MTBP: variants seen among roughly 807,000 people sequenced by gnomAD.
MTBP encodes the protein mdm2-binding protein.
MTBP carries 101 observed loss-of-function variants against 117.0 expected under a neutral mutation model. That is an observed-to-expected ratio of 0.86 (90% CI 0.73 to 1.02). The LOEUF (loss-of-function observed/expected upper bound fraction) is 1.02, where lower values mean the gene tolerates loss of function less well. Among genes scored for constraint, MTBP ranks in the 50% least tolerant of loss-of-function variants. The pLI is 0.00. For missense variants in MTBP, 970 were observed against 1,030.9 expected (o/e 0.94, Z 0.81); for synonymous variants, 350 against 351.5 (o/e 1.00, Z 0.05).
At chr8:120,467,669 A>G (rs1813727745) in intron 10 of MTBP, among the ~76,000 whole-genome samples, 1 of 152,200 alleles carries the variant, frequency 6.6e-6, no homozygotes, top group South Asian at 2.1e-4. Context: ...AGATAGAATG[A>G]TAGCTTGAAC....
intron 16 of MTBP, among the ~76,000 whole-genome samples, chr8:120,507,644 G>T (rs548310026): frequency 2.6e-5 from 4 of 152,234 alleles, no homozygotes; most frequent in African/African-American, 4.8e-5. Context: ...ATTTTGCAAA[G>T]GAGTTATTTG....
intron 11 of MTBP, among the ~76,000 whole-genome samples, chr8:120,486,214 AT>A (rs1328829368): frequency 6.6e-6 from 1 of 151,816 alleles, no homozygotes; most frequent in East Asian, 1.9e-4. Context: ...GCCTCCTTTT[AT>A]TTGCTTATTA....
chr8:120,478,834 A>T (rs140990598), intron 11 of MTBP, among the ~76,000 whole-genome samples: 2 of 152,260 alleles, frequency 1.3e-5, no homozygotes, highest in South Asian at 2.1e-4. Flanking sequence ...ATAGAAAAAG[A>T]TCGTACACGT....
intron 10 of MTBP, among the ~76,000 whole-genome samples, chr8:120,465,565 C>T (rs539769090): frequency 2.3e-4 from 35 of 151,348 alleles, no homozygotes; most frequent in African/African-American, 7.3e-4. Flanking sequence ...AAGTATAAAG[C>T]GCTAGATATT....
chr8:120,507,399 T>G (rs1814708395), intron 16 of MTBP, among the ~76,000 whole-genome samples: 1 of 152,166 alleles, frequency 6.6e-6, no homozygotes, highest in Non-Finnish European at 1.5e-5. Flanking sequence ...CAGTTTTCAC[T>G]AAGTTACTAG....
At chr8:120,518,671 G>C (rs765082397) in intron 19 of MTBP, 33 bp from the exon 20 acceptor site, 2 of 1,434,752 alleles carry the variant, frequency 1.4e-6, no homozygotes, top group Non-Finnish European at 1.9e-6. Flanking sequence ...CCTTTTCCAA[G>C]AAATATTCGT....
intron 5 of MTBP, among the ~76,000 whole-genome samples, chr8:120,455,016 C>G (rs1813437376): frequency 6.6e-6 from 1 of 151,500 alleles, no homozygotes; most frequent in African/African-American, 2.4e-5. Flanking sequence ...TGCACTTATT[C>G]ATTCTCTTTT....
intron 11 of MTBP, among the ~76,000 whole-genome samples, chr8:120,474,491 A>G (rs1043029815): frequency 3.9e-5 from 6 of 151,950 alleles, no homozygotes; most frequent in African/African-American, 1.2e-4. Context: ...CTTTCTCACT[A>G]TCAGACTCTC....
At chr8:120,453,210 G>A (rs1813395207) in intron 4 of MTBP, among the ~76,000 whole-genome samples, 1 of 152,074 alleles carries the variant, frequency 6.6e-6, no homozygotes, top group African/African-American at 2.4e-5. Flanking sequence ...CAGCACTTTG[G>A]GAGGCTGAGG....
chr8:120,499,246 C>A (rs1210356904), intron 14 of MTBP, among the ~76,000 whole-genome samples: 1 of 152,104 alleles, frequency 6.6e-6, no homozygotes, highest in Non-Finnish European at 1.5e-5. Flanking sequence ...CTGCAGTGTC[C>A]TTTGCCTGGA....
At position 120,523,299 on chromosome 8, in the gene MTBP, T is replaced by C. The variant is rs1388306475; in HGVS notation, c.2678T>C (p.Val893Ala). 2 of 1,550,132 alleles carry C rather than the reference T, an allele frequency of 1.3e-6. No individual in the cohort carries two copies. The highest frequency in any genetic ancestry group is 1.8e-6 in the Non-Finnish European group (2 of 1,139,736). ...TAATCATATTTTTTCTCCCCCTAGG[T>C]GATTGACTGGGTATTAGAAAAGACA... ...KKTANNNAVQ[V>A]IDWVLEKTSK... The change falls in exon 22 of 22, where the codon GTG becomes GCG. Residue 893 changes from valine (V) to alanine (A), a missense_variant and splice_region_variant. Transcript: ENST00000305949.
chr8:120,453,870 A>T lies in MTBP; in HGVS notation c.449A>T (p.Asn150Ile). ...LADLYEEAAENLHQLSDKLPA... is the reference protein window; with the variant it reads ...LADLYEEAAEILHQLSDKLPA... ...AGTCTCTATGAAGAAGCTGCAGAAA[A>T]TTTGCATCAGCTGTCAGACAAGCTT... Residue 150 changes from asparagine to isoleucine, a missense_variant, in exon 5 of 22, where the codon AAT (asparagine) becomes ATT (isoleucine). Physicochemically the swap from Asn to Ile is moderately radical, Grantham distance 149 (BLOSUM62 -3). Transcript: ENST00000305949. The T allele has an allele frequency of 6.3e-7, 1 of 1,585,218 alleles. No homozygotes were observed. The highest frequency in any genetic ancestry group is 2.3e-5 in the East Asian group (1 of 43,624).
At chr8:120,506,646 T>G (rs899467646) in intron 15 of MTBP, 60 bp from the exon 16 acceptor site, 1 of 1,202,654 alleles carries the variant, frequency 8.3e-7, no homozygotes, top group Admixed American at 3.3e-5. Context: ...TTTTTTTGAC[T>G]CTGGCTTCTC....
chr8:120,490,722 T>C (rs1441397543), intron 13 of MTBP, 152 bp downstream of exon 13: 2 of 509,064 alleles, frequency 3.9e-6, no homozygotes, highest in East Asian at 6.9e-5. Context: ...TGATGTAGAG[T>C]AGAAGAGATA....
rs376463392 is a variant in MTBP, at chr8:120,463,017, A to T, written c.978-675A>T. On this transcript the variant is annotated intron_variant, in intron 9 of 21. Coordinates refer to ENST00000305949, the MANE Select transcript of MTBP (RefSeq NM_022045.5). The stretch of plus-strand genomic sequence containing the variant: ...CTTTTTGCTACCATTATGTTAAGAA[A>T]AGTTCTACAACTTGAAAAAAAAAAT... 6.7e-4 allele frequency among the ~76,000 whole-genome samples: 102 copies of T among 152,238 alleles called. 1 individual carries two copies. The highest frequency in any genetic ancestry group is 2.3e-3 in the African/African-American group (95 of 41,544).
At chr8:120,516,316 C>A in intron 18 of MTBP, 125 bp downstream of exon 18, 3 of 865,506 alleles carry the variant, frequency 3.5e-6, no homozygotes, top group Non-Finnish European at 5.1e-6. Flanking sequence ...GTTTTATGAG[C>A]TGTTGATAAT....
At chr8:120,488,022 C>T in intron 11 of MTBP, 137 bp from the exon 12 acceptor site, 2 of 554,754 alleles carry the variant, frequency 3.6e-6, no homozygotes, top group South Asian at 4.1e-5. Flanking sequence ...AAATGAACAA[C>T]TACTAGCCCT....
intron 11 of MTBP, chr8:120,473,185 A>G (rs970463786): frequency 2.6e-5 from 4 of 152,000 alleles, no homozygotes; most frequent in South Asian, 2.1e-4. Flanking sequence ...CTTTTTTTAA[A>G]TTTGTATTCT....
At chr8:120,507,448 A>C (rs7462289) in intron 16 of MTBP, among the ~76,000 whole-genome samples, 82,938 of 151,446 alleles carry the variant, frequency 0.55, 25,084 homozygotes, top group Non-Finnish European at 0.67. Context: ...GACAAAATTG[A>C]CTGTAAAATT....
Sources: allele counts gnomAD v4.1 joint callset (sites outside exome capture counted in the v4.1 genomes callset), GRCh38; gene constraint gnomAD v4.1.1; transcripts MANE v1.5; gene names NCBI Gene and HGNC (gene_info 2026-07-23, HGNC 2026-07-21).